Variants in PRICKLE2 observed in about 807,000 individuals in gnomAD.
PRICKLE2 encodes prickle planar cell polarity protein 2, also known as prickle-like protein 2.
A neutral mutation model predicts 81.4 loss-of-function variants in PRICKLE2; 21 were observed. That is an observed-to-expected ratio of 0.26 (90% CI 0.18 to 0.37). PRICKLE2 has a LOEUF of 0.37. Ranked by LOEUF, PRICKLE2 falls within the 10% of genes least tolerant of loss-of-function variation. The probability of loss-of-function intolerance (pLI) is 1.00; values close to 1 mark genes in which losing one functional copy is unlikely to be tolerated. For synonymous variants in PRICKLE2, 456 were observed against 421.5 expected, an observed-to-expected ratio of 1.08 and a Z score of -1.00; for missense variants, 940 against 1,109.0, an observed-to-expected ratio of 0.85 and a Z score of 2.16.
At chr3:64,115,664 A>G (rs907248771) in intron 7 of PRICKLE2, among the ~76,000 whole-genome samples, 1 of 152,218 alleles carries the variant, frequency 6.6e-6, no homozygotes, top group Non-Finnish European at 1.5e-5. Flanking sequence ...CTAAATATAT[A>G]TGTTCCCAAC....
At chr3:64,175,007 G>T in intron 2 of PRICKLE2, 1 of 165,482 alleles carries the variant, frequency 6.0e-6, no homozygotes. Context: ...AAACGTGGAA[G>T]ACACCCTCTG....
chr3:64,114,953 A>G (rs830352), intron 7 of PRICKLE2, among the ~76,000 whole-genome samples: 116,935 of 152,016 alleles, frequency 0.77, 46,767 homozygotes, highest in Non-Finnish European at 0.88. Context: ...CTAGAGGGAA[A>G]GATCAGGTCA....
intron 1 of PRICKLE2, among the ~76,000 whole-genome samples, chr3:64,209,887 G>A (rs534083636): frequency 5.3e-5 from 8 of 152,348 alleles, no homozygotes; most frequent in Non-Finnish European, 1.0e-4. Flanking sequence ...GCCTCCCACT[G>A]AAGTGACATT....
At chr3:64,122,779 T>A (rs1005294390) in intron 7 of PRICKLE2, among the ~76,000 whole-genome samples, 1 of 152,184 alleles carries the variant, frequency 6.6e-6, no homozygotes, top group African/African-American at 2.4e-5. Flanking sequence ...CTTAATTCCC[T>A]GCTCCTGTCA....
chr3:64,175,422 C>T (rs755316598), intron 2 of PRICKLE2, among the ~76,000 whole-genome samples: 16 of 152,194 alleles, frequency 1.1e-4, no homozygotes, highest in Non-Finnish European at 1.9e-4. Context: ...CTTCTTAGAT[C>T]GTGTCTTCAG....
At chr3:64,246,713 C>T (rs984378699) in intron 2 of PRICKLE2, among the ~76,000 whole-genome samples, 8 of 152,164 alleles carry the variant, frequency 5.3e-5, no homozygotes, top group Non-Finnish European at 1.5e-5. Flanking sequence ...GTGGATCACA[C>T]TTTGAGGAAC....
intron 7 of PRICKLE2, among the ~76,000 whole-genome samples, chr3:64,143,769 A>G (rs112394723): frequency 2.0e-5 from 3 of 152,336 alleles, no homozygotes; most frequent in East Asian, 1.9e-4. Flanking sequence ...CAGGTGGTCT[A>G]GCTTTGAGAA....
chr3:64,267,148 T>G (rs2079723033), intron 2 of PRICKLE2, among the ~76,000 whole-genome samples: 1 of 152,094 alleles, frequency 6.6e-6, no homozygotes, highest in Non-Finnish European at 1.5e-5. Flanking sequence ...AATCCCAACC[T>G]TCACCAAGTC....
intron 1 of PRICKLE2, among the ~76,000 whole-genome samples, chr3:64,210,879 G>A (rs1269791698): frequency 6.6e-6 from 1 of 152,142 alleles, no homozygotes; most frequent in African/African-American, 2.4e-5. Flanking sequence ...ACTCTTGGAA[G>A]GTATCTGAAT....
intron 7 of PRICKLE2, chr3:64,106,001 G>GTCT (rs1462970449): frequency 6.6e-6 from 1 of 152,226 alleles, no homozygotes; most frequent in African/African-American, 2.4e-5. Flanking sequence ...TTTCATCTCT[G>GTCT]TCTTCTTGAC....
At chr3:64,150,353 G>A (rs1274369798) in intron 6 of PRICKLE2, among the ~76,000 whole-genome samples, 2 of 152,174 alleles carry the variant, frequency 1.3e-5, no homozygotes, top group East Asian at 3.9e-4. Flanking sequence ...GTACAATGGG[G>A]ATAATCATAG....
chr3:64,154,556 A>C (rs2077597716), intron 5 of PRICKLE2: 1 of 152,092 alleles, frequency 6.6e-6, no homozygotes. Context: ...GAAGAAAAAA[A>C]AATTAATTCA....
At chr3:64,139,980 C>T (rs991011346) in intron 7 of PRICKLE2, among the ~76,000 whole-genome samples, 3 of 152,238 alleles carry the variant, frequency 2.0e-5, no homozygotes, top group African/African-American at 7.2e-5. Flanking sequence ...CTTCACTAGA[C>T]TGTGAGGTAC....
chr3:64,234,736 C>A (rs1207458797), intron 2 of PRICKLE2, among the ~76,000 whole-genome samples: 2 of 152,120 alleles, frequency 1.3e-5, no homozygotes, highest in Non-Finnish European at 2.9e-5. Flanking sequence ...TTCTAGGTCT[C>A]TGCCAGAACT....
intron 7 of PRICKLE2, among the ~76,000 whole-genome samples, chr3:64,137,429 A>G (rs761549554): frequency 6.6e-5 from 10 of 152,184 alleles, no homozygotes; most frequent in Admixed American, 2.0e-4. Flanking sequence ...TTTCAGTAAC[A>G]AAGAGAATAA....
intron 1 of PRICKLE2, among the ~76,000 whole-genome samples, chr3:64,215,442 C>T (rs577848654): frequency 1.4e-3 from 211 of 152,290 alleles, no homozygotes; most frequent in Non-Finnish European, 2.5e-3. Flanking sequence ...TCTAAAATAC[C>T]TTTTCCCATT....
At position 64,173,540 on chromosome 3, in the gene PRICKLE2, T is replaced by C. The variant is rs187633525; in HGVS notation, c.145-10411A>G. 9.9e-3 allele frequency among the ~76,000 whole-genome samples: 1,504 copies of C among 152,296 alleles called. 29 individuals are homozygous for C. The highest frequency in any genetic ancestry group is 0.033 in the African/African-American group (1,387 of 41,570). On this transcript the variant is annotated intron_variant, in intron 2 of 7. Transcript: ENST00000638394. ...TGTATTTAACAATGGATTTACAAAA[T>C]TCCTGAAAACTGACCAATTGGCTCT... is the stretch of plus-strand genomic sequence containing the variant.
At chr3:64,219,044 C>A (rs1236334755) in intron 1 of PRICKLE2, among the ~76,000 whole-genome samples, 2 of 152,178 alleles carry the variant, frequency 1.3e-5, no homozygotes. Context: ...AAAGGTCAGA[C>A]GTTCTTCCAG....
At chr3:64,165,144 C>T (rs899495366) in intron 2 of PRICKLE2, among the ~76,000 whole-genome samples, 4 of 152,260 alleles carry the variant, frequency 2.6e-5, no homozygotes, top group Middle Eastern at 3.4e-3. Context: ...GCGGTTCCAT[C>T]GACCCTCCTC....
Sources: gnomAD v4.1 joint callset for allele counts (sites outside exome capture counted in the v4.1 genomes callset) on GRCh38, gnomAD v4.1.1 for gene constraint, MANE v1.5 for transcripts, NCBI Gene and HGNC (gene_info 2026-07-23, HGNC 2026-07-21) for gene names.